Variants in CFAP210 observed in about 807,000 individuals in gnomAD.
CFAP210 encodes cilia- and flagella- associated protein 210.
chr2:169,650,541 C>T, the CFAP210 span: 1 of 1,469,808 alleles, frequency 6.8e-7, no homozygotes, highest in South Asian at 1.5e-5. Context: ...AATAACCATA[C>T]TCGTCAAATC....
At chr2:169,663,628 G>A in the CFAP210 span, among the ~76,000 whole-genome samples, 2 of 152,062 alleles carry the variant, frequency 1.3e-5, no homozygotes, top group African/African-American at 4.8e-5. Flanking sequence ...GAGCCAACAA[G>A]TTCACTTTGT....
the CFAP210 span, among the ~76,000 whole-genome samples, chr2:169,682,282 T>C: frequency 2.0e-5 from 3 of 152,166 alleles, no homozygotes; most frequent in Admixed American, 6.5e-5. Flanking sequence ...TAGAGAGCCA[T>C]AGTCATCCTT....
At chr2:169,653,563 A>T in the CFAP210 span, among the ~76,000 whole-genome samples, 3,138 of 151,314 alleles carry the variant, frequency 0.021, 121 homozygotes, top group African/African-American at 0.072. Context: ...AATATAAGCA[A>T]TGTCCTCTAA....
the CFAP210 span, among the ~76,000 whole-genome samples, chr2:169,692,152 G>A: frequency 6.6e-6 from 1 of 152,104 alleles, no homozygotes; most frequent in Non-Finnish European, 1.5e-5. Flanking sequence ...TATGTCAGGA[G>A]CTTTCCAAAG....
chr2:169,646,206 T>A, the CFAP210 span: 1 of 1,527,378 alleles, frequency 6.5e-7, no homozygotes, highest in Non-Finnish European at 9.0e-7. Context: ...AAAGGAAATT[T>A]AACTTAATAT....
chr2:169,679,148 A>G, the CFAP210 span, among the ~76,000 whole-genome samples: 2,020 of 152,340 alleles, frequency 0.013, 48 homozygotes, highest in African/African-American at 0.046. Flanking sequence ...AACAAAAAAA[A>G]TCAATACCTC....
chr2:169,686,889 T>G, the CFAP210 span, among the ~76,000 whole-genome samples: 1 of 152,134 alleles, frequency 6.6e-6, no homozygotes. Flanking sequence ...ATGCTGCTGA[T>G]AAAGACATAC....
At chr2:169,683,889 G>A in the CFAP210 span, among the ~76,000 whole-genome samples, 2 of 152,178 alleles carry the variant, frequency 1.3e-5, no homozygotes, top group South Asian at 4.1e-4. Context: ...CCCACAGAAA[G>A]CTTGGGAAAG....
At chr2:169,645,859 CCTTCT>C in the CFAP210 span, 40 of 1,611,144 alleles carry the variant, frequency 2.5e-5, no homozygotes, top group Non-Finnish European at 3.4e-5. Context: ...TAAAACCTAG[CCTTCT>C]CTTTGACTTT....
chr2:169,674,612 C>T, the CFAP210 span: 2 of 1,608,948 alleles, frequency 1.2e-6, no homozygotes, highest in South Asian at 2.2e-5. Flanking sequence ...CACCCTTTCT[C>T]TGTGTCGTTT....
At chr2:169,660,116 C>T in the CFAP210 span, among the ~76,000 whole-genome samples, 3 of 151,622 alleles carry the variant, frequency 2.0e-5, no homozygotes, top group Non-Finnish European at 4.4e-5. Flanking sequence ...TGGCTGGGCA[C>T]GGTGGCTCAT....
chr2:169,668,601 G>A, the CFAP210 span, among the ~76,000 whole-genome samples: 1 of 152,130 alleles, frequency 6.6e-6, no homozygotes. Flanking sequence ...ATACTTAGAG[G>A]CTATTATAAG....
the CFAP210 span, among the ~76,000 whole-genome samples, chr2:169,670,009 C>T: frequency 6.6e-6 from 1 of 152,126 alleles, no homozygotes; most frequent in African/African-American, 2.4e-5. Flanking sequence ...TCTACTCTTT[C>T]CCTAAATAAT....
chr2:169,659,671 A>G, the CFAP210 span, among the ~76,000 whole-genome samples: 2 of 152,202 alleles, frequency 1.3e-5, no homozygotes, highest in African/African-American at 2.4e-5. Flanking sequence ...GAGCCAAACC[A>G]TATCATTCTG....
chr2:169,673,556 G>A, the CFAP210 span, among the ~76,000 whole-genome samples: 1 of 152,168 alleles, frequency 6.6e-6, no homozygotes, highest in Admixed American at 6.5e-5. Flanking sequence ...ACTGATGTCT[G>A]TGTCATTTAG....
chr2:169,650,366 G>T, the CFAP210 span: 1 of 1,597,758 alleles, frequency 6.3e-7, no homozygotes, highest in East Asian at 2.3e-5. Flanking sequence ...TTTTAATTCT[G>T]CTTTGTTTTT....
chr2:169,673,584 T>A, the CFAP210 span, among the ~76,000 whole-genome samples: 5 of 152,194 alleles, frequency 3.3e-5, no homozygotes, highest in Non-Finnish European at 5.9e-5. Flanking sequence ...GTGATTTTGA[T>A]AAATTATATA....
chr2:169,652,115 T>C, the CFAP210 span, among the ~76,000 whole-genome samples: 1 of 152,198 alleles, frequency 6.6e-6, no homozygotes, highest in African/African-American at 2.4e-5. Context: ...AAAAATAATT[T>C]TGTTGTGACA....
chr2:169,666,533 T>C, the CFAP210 span, among the ~76,000 whole-genome samples: 3 of 150,634 alleles, frequency 2.0e-5, no homozygotes, highest in African/African-American at 7.3e-5. Context: ...TTTTTGCTTG[T>C]CTCCTTCACT....
Sources: gnomAD v4.1 joint callset for allele counts (sites outside exome capture counted in the v4.1 genomes callset) on GRCh38, gnomAD v4.1.1 for gene constraint, MANE v1.5 for transcripts, NCBI Gene and HGNC (gene_info 2026-07-23, HGNC 2026-07-21) for gene names.